The following PDE10A variants were observed in gnomAD, a reference collection of about 807,000 sequenced individuals.
The protein encoded by PDE10A is cAMP and cAMP-inhibited cGMP 3',5'-cyclic phosphodiesterase 10A.
In PDE10A, 39 loss-of-function variants were observed where a neutral mutation model predicts 97.7. That is an observed-to-expected ratio of 0.40 (90% CI 0.31 to 0.52). The LOEUF is 0.52. Ranked by LOEUF, PDE10A falls within the 20% of genes least tolerant of loss-of-function variation. PDE10A has a pLI of 0.56. For missense variants in PDE10A, 731 were observed against 1,047.8 expected, an observed-to-expected ratio of 0.70 and a Z score of 4.17; for synonymous variants, 371 against 376.8, an observed-to-expected ratio of 0.98 and a Z score of 0.18.
At chr6:165,381,612 G>A (rs868348380) in intron 17 of PDE10A, among the ~76,000 whole-genome samples, 45 of 150,096 alleles carry the variant, frequency 3.0e-4, no homozygotes, top group Middle Eastern at 3.5e-3. Flanking sequence ...TTACAGGGAC[G>A]CACCACCACA....
Position 165,649,638 on chromosome 6 carries a change from C to G in PDE10A, c.865+12309G>C, listed in dbSNP as rs989612892. Among the ~76,000 whole-genome samples the G allele has an allele frequency of 3.3e-5, 5 of 152,222 alleles. No homozygotes were observed. The South Asian group carries it at 1.0e-3, about 32-fold the overall frequency. ...CTGCTGAGGAAGAGGTGCAGGGGTGCCCACTGCCCCTGCTGTCCAGTCAAC... is the reference window on the plus strand; with the variant it reads ...CTGCTGAGGAAGAGGTGCAGGGGTGGCCACTGCCCCTGCTGTCCAGTCAAC... On this transcript the variant is annotated intron_variant, in intron 1 of 21. Coordinates refer to ENST00000539869, the MANE Select transcript of PDE10A (RefSeq NM_001385079.1).
chr6:165,914,688 T>C (rs62428064), intron 1 of PDE10A, among the ~76,000 whole-genome samples: 4 of 152,212 alleles, frequency 2.6e-5, no homozygotes, highest in Non-Finnish European at 5.9e-5. Flanking sequence ...ACCAAGTGAT[T>C]GCCAAAATGC....
chr6:165,621,420 T>C (rs1212586096), intron 1 of PDE10A, among the ~76,000 whole-genome samples: 3 of 151,970 alleles, frequency 2.0e-5, no homozygotes, highest in African/African-American at 4.8e-5. Flanking sequence ...CCCTTCAAAA[T>C]AGGATCTCCG....
intron 1 of PDE10A, among the ~76,000 whole-genome samples, chr6:165,957,281 G>C (rs1784161748): frequency 6.6e-6 from 1 of 152,134 alleles, no homozygotes; most frequent in Non-Finnish European, 1.5e-5. Context: ...AGGAGTTTGA[G>C]ACCAGCCTGG....
intron 1 of PDE10A, among the ~76,000 whole-genome samples, chr6:165,692,806 T>C (rs1373018178): frequency 6.6e-6 from 1 of 152,204 alleles, no homozygotes; most frequent in East Asian, 1.9e-4. Flanking sequence ...CCTAATGGAA[T>C]AAACACTCTT....
intron 1 of PDE10A, among the ~76,000 whole-genome samples, chr6:165,907,406 C>T (rs1000841461): frequency 6.6e-6 from 1 of 152,232 alleles, no homozygotes; most frequent in Admixed American, 6.5e-5. Context: ...CTGCCCTTCC[C>T]GGGAGCCTCG....
intron 18 of PDE10A, among the ~76,000 whole-genome samples, chr6:165,360,262 C>G (rs1402813597): frequency 6.6e-6 from 1 of 152,136 alleles, no homozygotes. Context: ...CTGTGAAATT[C>G]CACCCCAGGT....
intron 1 of PDE10A, among the ~76,000 whole-genome samples, chr6:165,825,400 C>T (rs1409765067): frequency 6.6e-6 from 1 of 152,146 alleles, no homozygotes; most frequent in Non-Finnish European, 1.5e-5. Flanking sequence ...TAAGTCATCA[C>T]TCATGCTAGC....
At chr6:165,668,333 G>A (rs1246665001) in intron 1 of PDE10A, among the ~76,000 whole-genome samples, 3 of 152,134 alleles carry the variant, frequency 2.0e-5, no homozygotes, top group Non-Finnish European at 2.9e-5. Flanking sequence ...TACAAGTCTC[G>A]CAAGGGCTGC....
intron 1 of PDE10A, among the ~76,000 whole-genome samples, chr6:165,602,582 C>G (rs1206416758): frequency 1.3e-5 from 2 of 152,196 alleles, no homozygotes; most frequent in African/African-American, 4.8e-5. Flanking sequence ...GTACAGGCCC[C>G]TTCCAAGGTC....
At chr6:165,755,220 G>A (rs998121259) in intron 1 of PDE10A, among the ~76,000 whole-genome samples, 4 of 152,298 alleles carry the variant, frequency 2.6e-5, no homozygotes, top group South Asian at 2.1e-4. Context: ...TTTGCTGAAA[G>A]TGGCCTGAAT....
chr6:165,336,034 C>T, intron 21 of PDE10A, 89 bp downstream of exon 21: 1 of 1,013,354 alleles, frequency 9.9e-7, no homozygotes, highest in Non-Finnish European at 1.5e-6. Flanking sequence ...AACACACAGA[C>T]CACAACACAC....
At chr6:165,753,263 A>G (rs1194859157) in intron 1 of PDE10A, among the ~76,000 whole-genome samples, 1 of 152,222 alleles carries the variant, frequency 6.6e-6, no homozygotes, top group African/African-American at 2.4e-5. Context: ...TTTTCAGCAA[A>G]TTAAATAATG....
chr6:165,721,578 G>A (rs527730535), intron 1 of PDE10A, among the ~76,000 whole-genome samples: 105 of 152,282 alleles, frequency 6.9e-4, no homozygotes, highest in African/African-American at 2.3e-3. Context: ...GAATGAAAAG[G>A]CAATTGAATC....
At chr6:165,982,095 G>A (rs565875696) in intron 1 of PDE10A, among the ~76,000 whole-genome samples, 60 of 152,302 alleles carry the variant, frequency 3.9e-4, no homozygotes, top group Admixed American at 1.0e-3. Context: ...TTATTGTAAT[G>A]TCAGAGAGGT....
chr6:165,718,979 G>T (rs182504291), intron 1 of PDE10A, among the ~76,000 whole-genome samples: 21 of 152,180 alleles, frequency 1.4e-4, no homozygotes, highest in Admixed American at 2.6e-4. Flanking sequence ...TAAAATAAAA[G>T]AATGTTATAA....
intron 18 of PDE10A, among the ~76,000 whole-genome samples, chr6:165,351,315 G>A (rs1782681208): frequency 6.6e-6 from 1 of 152,126 alleles, no homozygotes; most frequent in Admixed American, 6.5e-5. Context: ...AGGGGTAGGT[G>A]GTAAGGGCCA....
intron 1 of PDE10A, among the ~76,000 whole-genome samples, chr6:165,783,724 G>A (rs1778407456): frequency 6.6e-6 from 1 of 152,172 alleles, no homozygotes; most frequent in African/African-American, 2.4e-5. Flanking sequence ...TAAGAACTGT[G>A]ACAAAGACTG....
chr6:165,516,172 A>G (rs759214399), intron 2 of PDE10A, among the ~76,000 whole-genome samples: 9 of 152,184 alleles, frequency 5.9e-5, no homozygotes, highest in Non-Finnish European at 1.2e-4. Context: ...CACCTGGTCA[A>G]GGCCATAGCT....
Sources: allele counts gnomAD v4.1 joint callset (sites outside exome capture counted in the v4.1 genomes callset), GRCh38; gene constraint gnomAD v4.1.1; transcripts MANE v1.5; gene names NCBI Gene and HGNC (gene_info 2026-07-23, HGNC 2026-07-21).